The following VCF1 variants were observed in gnomAD, a reference collection of about 807,000 sequenced individuals.
VCF1 encodes the protein protein VCF1.
chr17:73,217,462 C>A, the VCF1 span, among the ~76,000 whole-genome samples: 1 of 151,754 alleles, frequency 6.6e-6, no homozygotes, highest in African/African-American at 2.4e-5. Flanking sequence ...CCATCCTGGC[C>A]AACATGGTGA....
the VCF1 span, among the ~76,000 whole-genome samples, chr17:73,216,512 TGA>T: frequency 2.6e-5 from 4 of 151,322 alleles, no homozygotes; most frequent in African/African-American, 7.3e-5. Flanking sequence ...CACAGGAAGC[TGA>T]GGGGAAAACA....
At chr17:73,225,900 T>TATATATATATAATATATATATATA in the VCF1 span, among the ~76,000 whole-genome samples, 1 of 77,898 alleles carries the variant, frequency 1.3e-5, no homozygotes, top group African/African-American at 6.5e-5. Flanking sequence ...TATATATATA[T>TATATATATATAATATATATATATA]TTTTTTTTTT....
chr17:73,232,284 G>T, the VCF1 span: 3 of 1,599,202 alleles, frequency 1.9e-6, no homozygotes, highest in Non-Finnish European at 2.6e-6. Context: ...ACTACTTCCG[G>T]CGTCTGCTCC....
chr17:73,227,390 G>T, the VCF1 span: 1 of 778,734 alleles, frequency 1.3e-6, no homozygotes, highest in Non-Finnish European at 1.9e-6. Context: ...TTCAGCATAT[G>T]ATATCCCAAT....
chr17:73,214,404 T>G, the VCF1 span, among the ~76,000 whole-genome samples: 1 of 152,116 alleles, frequency 6.6e-6, no homozygotes, highest in Non-Finnish European at 1.5e-5. Flanking sequence ...ATATTTGGTA[T>G]GTACTGGGTT....
chr17:73,220,592 G>C, the VCF1 span, among the ~76,000 whole-genome samples: 1 of 149,818 alleles, frequency 6.7e-6, no homozygotes, highest in Non-Finnish European at 1.5e-5. Context: ...CTCCAGGCAT[G>C]CACCACCACG....
At chr17:73,227,682 TG>T in the VCF1 span, 1 of 985,862 alleles carries the variant, frequency 1.0e-6, no homozygotes, top group Non-Finnish European at 1.2e-6. Context: ...TAAGAGTGGC[TG>T]CCTTTGCCTA....
chr17:73,228,027 T>C, the VCF1 span, among the ~76,000 whole-genome samples: 1 of 152,168 alleles, frequency 6.6e-6, no homozygotes, highest in African/African-American at 2.4e-5. Flanking sequence ...TCCAATACGG[T>C]AGCCACTAGC....
At chr17:73,230,074 A>T in the VCF1 span, among the ~76,000 whole-genome samples, 1 of 151,932 alleles carries the variant, frequency 6.6e-6, no homozygotes, top group Admixed American at 6.6e-5. Flanking sequence ...AGGCGGGTGG[A>T]TCCCTTGAGC....
At chr17:73,207,368 A>AG in the VCF1 span, 1 of 990,110 alleles carries the variant, frequency 1.0e-6, no homozygotes, top group Non-Finnish European at 1.6e-6. Flanking sequence ...GACAAAATGC[A>AG]CTAATGCTGC....
chr17:73,211,460 T>C, the VCF1 span, among the ~76,000 whole-genome samples: 4 of 151,448 alleles, frequency 2.6e-5, no homozygotes. Flanking sequence ...TCCCAGCTAC[T>C]AGGGAGGCCG....
chr17:73,226,026 C>T, the VCF1 span, among the ~76,000 whole-genome samples: 12 of 150,850 alleles, frequency 8.0e-5, no homozygotes, highest in Non-Finnish European at 1.5e-4. Flanking sequence ...CTCAGCCTCC[C>T]AAGTAGCTGG....
chr17:73,224,137 G>C, the VCF1 span, among the ~76,000 whole-genome samples: 1 of 148,008 alleles, frequency 6.8e-6, no homozygotes, highest in Admixed American at 6.8e-5. Context: ...GGAAGGAAGG[G>C]AATTCTAGCC....
At chr17:73,224,880 C>G in the VCF1 span, among the ~76,000 whole-genome samples, 162 of 129,972 alleles carry the variant, frequency 1.2e-3, 1 homozygote, top group African/African-American at 4.2e-3. Context: ...GACAGGACAG[C>G]ACAGCACAGG....
At chr17:73,207,360 C>CA in the VCF1 span, 1 of 1,040,832 alleles carries the variant, frequency 9.6e-7, no homozygotes, top group Non-Finnish European at 1.5e-6. Context: ...AACTGAATGA[C>CA]AAAATGCACT....
At chr17:73,222,878 GC>G in the VCF1 span, among the ~76,000 whole-genome samples, 307 of 152,200 alleles carry the variant, frequency 2.0e-3, 1 homozygote, top group Non-Finnish European at 3.4e-3. Context: ...TTCTGGGAGA[GC>G]ACACACCATG....
chr17:73,208,245 G>A, the VCF1 span: 14 of 1,609,210 alleles, frequency 8.7e-6, no homozygotes, highest in South Asian at 5.5e-5. Context: ...GAGTGGCGTC[G>A]CGCGGAGGGC....
At chr17:73,209,891 T>C in the VCF1 span, 409,208 of 1,403,768 alleles carry the variant, frequency 0.29, 61,762 homozygotes, top group Admixed American at 0.33. Flanking sequence ...GATGAAGACA[T>C]ATACTGGGCT....
the VCF1 span, among the ~76,000 whole-genome samples, chr17:73,219,754 C>G: frequency 6.6e-6 from 1 of 152,038 alleles, no homozygotes; most frequent in Non-Finnish European, 1.5e-5. Flanking sequence ...AGGTGGATCA[C>G]GTGAGTCCAG....
Sources: allele counts gnomAD v4.1 joint callset (sites outside exome capture counted in the v4.1 genomes callset), GRCh38; gene constraint gnomAD v4.1.1; transcripts MANE v1.5; gene names NCBI Gene and HGNC (gene_info 2026-07-23, HGNC 2026-07-21).